The following MARCHF3 variants were observed in gnomAD, a reference collection of about 807,000 sequenced individuals.
MARCHF3 encodes E3 ubiquitin-protein ligase MARCHF3.
Under a neutral mutation model 24.2 loss-of-function variants are expected in MARCHF3, and 13 were observed. The observed-to-expected ratio is 0.54, with a 90% CI of 0.35 to 0.85. MARCHF3 has a LOEUF of 0.85. Among genes scored for constraint, MARCHF3 ranks in the 40% least tolerant of loss-of-function variants. The pLI is 0.01. For synonymous variants in MARCHF3, 144 were observed against 137.3 expected, an observed-to-expected ratio of 1.05 and a Z score of -0.34; for missense variants, 276 against 325.0, an observed-to-expected ratio of 0.85 and a Z score of 1.16.
At chr5:127,023,781 A>T (rs1752902233) in intron 1 of MARCHF3, among the ~76,000 whole-genome samples, 1 of 147,588 alleles carries the variant, frequency 6.8e-6, no homozygotes, top group South Asian at 2.2e-4. Flanking sequence ...AATAAATAAA[A>T]ATAAAAAATA....
chr5:126,997,743 C>T (rs1017877340), intron 1 of MARCHF3, among the ~76,000 whole-genome samples: 3 of 152,132 alleles, frequency 2.0e-5, no homozygotes, highest in East Asian at 3.8e-4. Flanking sequence ...CAAATCTCTT[C>T]CCCCCTTAAA....
At chr5:126,939,300 T>C (rs1561437510) in intron 1 of MARCHF3, among the ~76,000 whole-genome samples, 1 of 152,170 alleles carries the variant, frequency 6.6e-6, no homozygotes, top group Admixed American at 6.5e-5. Flanking sequence ...TGCCCTTTCA[T>C]TTGAAAGGAA....
At position 126,922,551 on chromosome 5, in the gene MARCHF3, T is replaced by A. The variant is rs199607945; in HGVS notation, c.-56-4324A>T. On this transcript the variant is annotated intron_variant, in intron 1 of 4. Coordinates refer to ENST00000308660, the MANE Select transcript of MARCHF3 (RefSeq NM_178450.5). ...TTATTTATTTATTTATTTATTTATT[T>A]ATTATTTATTTTTGAGTCGGAGTCT... Among the ~76,000 whole-genome samples the A allele has an allele frequency of 3.7e-5, 5 of 136,748 alleles. No individual in the cohort carries two copies. In the East Asian group the frequency reaches 6.3e-4, roughly 17 times the overall value. 89.7% of individuals were successfully genotyped at this position (136,748 alleles called of 152,430 possible).
rs1165801755 is a variant in MARCHF3 at position 126,904,209 on chromosome 5, A to G, written c.393+10721T>C. Among the ~76,000 whole-genome samples, 798 of 147,332 alleles carry G rather than the reference A, an allele frequency of 5.4e-3. 7 individuals carry two copies. The highest frequency in any genetic ancestry group is 0.018 in the East Asian group (91 of 4,984). ...GTGCCACATTTTCTTAATCCAGTCT[A>G]TCATTGTTGGACATTTGGGTTGGTT... On this transcript the variant is annotated intron_variant, in intron 3 of 4. Transcript: ENST00000308660.
chr5:127,017,841 G>A (rs1454709727), intron 1 of MARCHF3, among the ~76,000 whole-genome samples: 1 of 151,832 alleles, frequency 6.6e-6, no homozygotes, highest in Non-Finnish European at 1.5e-5. Flanking sequence ...AATTTTATAG[G>A]AAAAAAATCT....
intron 1 of MARCHF3, among the ~76,000 whole-genome samples, chr5:126,922,853 T>A (rs1749167936): frequency 6.6e-6 from 1 of 152,210 alleles, no homozygotes; most frequent in Non-Finnish European, 1.5e-5. Flanking sequence ...GCCTCATTTC[T>A]GTCTTTTAAA....
At chr5:126,940,249 G>A (rs763230504) in intron 1 of MARCHF3, among the ~76,000 whole-genome samples, 1 of 151,970 alleles carries the variant, frequency 6.6e-6, no homozygotes, top group Non-Finnish European at 1.5e-5. Flanking sequence ...TTAGTGAGTG[G>A]GTGAACTCAC....
chr5:126,913,982 T>A (rs1282826123), intron 3 of MARCHF3, among the ~76,000 whole-genome samples: 5 of 142,068 alleles, frequency 3.5e-5, no homozygotes, highest in Non-Finnish European at 7.7e-5. Context: ...CCAACTTTTT[T>A]TTTTTTTTTT....
chr5:127,012,543 A>C (rs1455773033), intron 1 of MARCHF3, among the ~76,000 whole-genome samples: 2 of 152,212 alleles, frequency 1.3e-5, no homozygotes, highest in East Asian at 3.8e-4. Flanking sequence ...AAAATAACTT[A>C]TTAATAATGA....
intron 3 of MARCHF3, among the ~76,000 whole-genome samples, chr5:126,880,688 A>G (rs1445310785): frequency 6.6e-6 from 1 of 152,228 alleles, no homozygotes; most frequent in Admixed American, 6.5e-5. Context: ...TGAATGTTCA[A>G]AAATTAAAAT....
chr5:126,910,972 C>T (rs112098479), intron 3 of MARCHF3, among the ~76,000 whole-genome samples: 22 of 152,294 alleles, frequency 1.4e-4, no homozygotes, highest in African/African-American at 4.8e-4. Context: ...ATGGCTGCTT[C>T]GGGGGCAGCC....
intron 3 of MARCHF3, among the ~76,000 whole-genome samples, chr5:126,896,079 C>T (rs893709475): frequency 1.3e-5 from 2 of 152,150 alleles, no homozygotes; most frequent in African/African-American, 4.8e-5. Flanking sequence ...TTTCCAGGTG[C>T]CGTCCGTCAC....
At chr5:126,872,773 G>GT (rs1010223604) in intron 4 of MARCHF3, among the ~76,000 whole-genome samples, 1 of 152,118 alleles carries the variant, frequency 6.6e-6, no homozygotes, top group Non-Finnish European at 1.5e-5. Flanking sequence ...AGAGGGTTGA[G>GT]TATGAAAATA....
intron 3 of MARCHF3, among the ~76,000 whole-genome samples, chr5:126,892,353 C>A (rs1753723713): frequency 1.3e-5 from 2 of 150,434 alleles, no homozygotes; most frequent in Non-Finnish European, 3.0e-5. Context: ...GAGAGGGCAT[C>A]CCTGTCTTGT....
In MARCHF3 at chr5:126,916,771, C is replaced by T. The variant is rs558649703; in HGVS notation, c.188+1213G>A. 2.7e-5 allele frequency among the ~76,000 whole-genome samples: 4 copies of T among 150,696 alleles called. No homozygotes were observed. In the East Asian group the frequency reaches 7.9e-4, roughly 30 times the overall value. ...TCTCAACCACATCAACCATAGCCTG[C>T]TCTTCCTGGTCAAGTGAGCTGTTTG... On this transcript the variant is annotated intron_variant, in intron 2 of 4. Transcript: ENST00000308660.
At chr5:126,907,784 T>C (rs1347671928) in intron 3 of MARCHF3, among the ~76,000 whole-genome samples, 1 of 149,878 alleles carries the variant, frequency 6.7e-6, no homozygotes, top group Non-Finnish European at 1.5e-5. Flanking sequence ...AATTTGCCAG[T>C]CTGTGTCTTT....
At chr5:126,927,127 A>G (rs1203184208) in intron 1 of MARCHF3, among the ~76,000 whole-genome samples, 2 of 152,182 alleles carry the variant, frequency 1.3e-5, no homozygotes, top group African/African-American at 2.4e-5. Flanking sequence ...CCCAACACAC[A>G]TACTCACATA....
intron 1 of MARCHF3, among the ~76,000 whole-genome samples, chr5:126,999,629 G>A (rs1752060234): frequency 6.6e-6 from 1 of 152,152 alleles, no homozygotes; most frequent in Non-Finnish European, 1.5e-5. Context: ...CTGGCACCTG[G>A]CCACTTTAGG....
chr5:126,899,364 C>T (rs1754029146), intron 3 of MARCHF3: 1 of 927,672 alleles, frequency 1.1e-6, no homozygotes, highest in Non-Finnish European at 1.3e-6. Flanking sequence ...TAAGGTTTAC[C>T]AATCTGAATT....
Sources: allele counts gnomAD v4.1 joint callset (sites outside exome capture counted in the v4.1 genomes callset), GRCh38; gene constraint gnomAD v4.1.1; transcripts MANE v1.5; gene names NCBI Gene and HGNC (gene_info 2026-07-23, HGNC 2026-07-21).